FAM78A: variants seen among roughly 807,000 people sequenced by gnomAD.
FAM78A encodes the protein family with sequence similarity 78 member A, also known as protein FAM78A.
FAM78A carries 12 observed loss-of-function variants against 22.6 expected under a neutral mutation model. That is an observed-to-expected ratio of 0.53 (90% CI 0.34 to 0.86). The LOEUF (loss-of-function observed/expected upper bound fraction) is 0.86. Ranked by LOEUF, FAM78A falls within the 40% of genes least tolerant of loss-of-function variation. The probability of loss-of-function intolerance (pLI) is 0.02; values close to 1 mark genes in which losing one functional copy is unlikely to be tolerated. For missense variants in FAM78A, 322 were observed against 396.1 expected, an observed-to-expected ratio of 0.81 and a Z score of 1.59; for synonymous variants, 151 against 155.8, an observed-to-expected ratio of 0.97 and a Z score of 0.23.
upstream of FAM78A, among the ~76,000 whole-genome samples, chr9:131,279,808 G>A (rs749651475): frequency 6.6e-6 from 1 of 152,180 alleles, no homozygotes; most frequent in Non-Finnish European, 1.5e-5. Context: ...CTAGGCAGTG[G>A]GCTCCACAGA....
upstream of FAM78A, among the ~76,000 whole-genome samples, chr9:131,277,143 G>A (rs1447408985): frequency 6.6e-6 from 1 of 150,942 alleles, no homozygotes; most frequent in African/African-American, 2.4e-5. This position sits in a 1 kb window ranked among gnomAD's most constrained non-coding sequence, Gnocchi z 8.4. Context: ...CCGCACGACC[G>A]CGCGCACCAG....
In FAM78A at chr9:131,265,469, G is replaced by C. The variant is rs990796728; in HGVS notation, c.324-4119C>G. On this transcript the variant is annotated intron_variant, in intron 1 of 1. Coordinates refer to ENST00000372271, the MANE Select transcript of FAM78A (RefSeq NM_033387.4). The surrounding 1 kb of genome is among the most constrained non-coding windows in gnomAD (Gnocchi z 4.3). ...TCACCGTGTTATTCAGGTTGGTCTC[G>C]AACTCCTGACCTCAGGTAACCCACC... 1.3e-5 allele frequency among the ~76,000 whole-genome samples: 2 copies of C among 151,902 alleles called. No homozygotes were observed. Among genetic ancestry groups the C allele is most frequent in the East Asian group, 3.9e-4 (2 of 5,142 alleles).
chr9:131,274,226 T>A lies in FAM78A; in HGVS notation c.323+1631A>T, dbSNP rs112179439. ...CCAACCACATTAGCATCCAGTCCCG[T>A]GAGTGCTCATGTCTTTCCAAGTTCA... On this transcript the variant is annotated intron_variant, in intron 1 of 1. Coordinates refer to ENST00000372271, the MANE Select transcript of FAM78A (RefSeq NM_033387.4). This position sits in a 1 kb window ranked among gnomAD's most constrained non-coding sequence, Gnocchi z 4.2. 0.015 allele frequency among the ~76,000 whole-genome samples: 2,352 copies of A among 152,320 alleles called. 67 individuals carry two copies. Among genetic ancestry groups the A allele is most frequent in the African/African-American group, 0.054 (2,237 of 41,572 alleles).
chr9:131,277,207 TG>T (rs1199524570), upstream of FAM78A, among the ~76,000 whole-genome samples: 1 of 150,460 alleles, frequency 6.6e-6, no homozygotes, highest in Non-Finnish European at 1.5e-5. The surrounding 1 kb of genome is among the most constrained non-coding windows in gnomAD (Gnocchi z 8.4). Context: ...ACGGGCGGGG[TG>T]GGGGGCGAGC....
chr9:131,280,583 C>A (rs559023595), upstream of FAM78A, among the ~76,000 whole-genome samples: 7 of 152,240 alleles, frequency 4.6e-5, no homozygotes, highest in South Asian at 2.1e-4. Context: ...ATCCCCCACC[C>A]GGGATGGTGA....
Position 131,261,672 on chromosome 9 carries a change from C to T in FAM78A, c.324-322G>A, listed in dbSNP as rs1434948707. 1.3e-5 allele frequency among the ~76,000 whole-genome samples: 2 copies of T among 152,168 alleles called. No individual in the cohort carries two copies. The highest frequency in any genetic ancestry group is 6.5e-5 in the Admixed American group (1 of 15,270). On this transcript the variant is annotated intron_variant, in intron 1 of 1. Transcript: ENST00000372271. This position sits in a 1 kb window ranked among gnomAD's most constrained non-coding sequence, Gnocchi z 7.1. Reference sequence around the variant, plus strand: ...GAGCCCACCCCAGACTGTAGGGGCCCCTTACTTTAACATTACAGGCTCACA... The same window carrying T: ...GAGCCCACCCCAGACTGTAGGGGCCTCTTACTTTAACATTACAGGCTCACA...
chr9:131,271,412 T>C (rs1357397738), intron 1 of FAM78A, among the ~76,000 whole-genome samples: 1 of 152,168 alleles, frequency 6.6e-6, no homozygotes, highest in Non-Finnish European at 1.5e-5. Flanking sequence ...GGCTACCATA[T>C]ATTGAGTGCC....
At position 131,274,102 on chromosome 9, in the gene FAM78A, T is replaced by C. The variant is rs1411253278; in HGVS notation, c.323+1755A>G. Among the ~76,000 whole-genome samples, 1 of 152,238 alleles carries C rather than the reference T, an allele frequency of 6.6e-6. No homozygotes were observed. Among genetic ancestry groups the C allele is most frequent in the Non-Finnish European group, 1.5e-5 (1 of 68,042 alleles). ...AGGGTCACCAGATGGAGAACAAGTCTTAGACAAGACATCGGAAGCCCATGT... is the reference window on the plus strand; with the variant it reads ...AGGGTCACCAGATGGAGAACAAGTCCTAGACAAGACATCGGAAGCCCATGT... On this transcript the variant is annotated intron_variant, in intron 1 of 1. Coordinates refer to ENST00000372271, the MANE Select transcript of FAM78A (RefSeq NM_033387.4). The surrounding 1 kb of genome is among the most constrained non-coding windows in gnomAD (Gnocchi z 4.2).
rs1411011535 is a variant in FAM78A, at chr9:131,275,635, AG to A, written c.323+221del. On this transcript the variant is annotated intron_variant, in intron 1 of 1. Coordinates refer to ENST00000372271, the MANE Select transcript of FAM78A (RefSeq NM_033387.4). The surrounding 1 kb of genome is among the most constrained non-coding windows in gnomAD (Gnocchi z 4.6). ...ACAGGAACCCGGGGGGAACAGTGGCAGGGTAGATTGCAGGACCGTGACTCCA... is the reference window on the plus strand; with the variant it reads ...ACAGGAACCCGGGGGGAACAGTGGCAGGTAGATTGCAGGACCGTGACTCCA... Among the ~76,000 whole-genome samples, 1 of 152,252 alleles carries A rather than the reference AG, an allele frequency of 6.6e-6. No individual in the cohort carries two copies. Among genetic ancestry groups the A allele is most frequent in the Non-Finnish European group, 1.5e-5 (1 of 68,044 alleles).
At position 131,259,301 on chromosome 9, in the gene FAM78A, C is replaced by A. The variant is rs1283938943; in HGVS notation, c.*1521G>T. 1 of 152,434 alleles carries A rather than the reference C, an allele frequency of 6.6e-6. No individual in the cohort carries two copies. The highest frequency in any genetic ancestry group is 1.5e-5 in the Non-Finnish European group (1 of 68,088). 9.4% of individuals were successfully genotyped at this position (152,434 alleles called of 1,614,324 possible). On this transcript the variant is annotated 3_prime_UTR_variant, in exon 2 of 2. Transcript: ENST00000372271. ...GCACAATGGGTCAGGACTAAGTAAG[C>A]CCTGGAGCTCCAGTGACCTGGGACC...
rs1397352586 is a variant in FAM78A at position 131,260,013 on chromosome 9, G to GCT, written c.*807_*808dup. The GCT allele has an allele frequency of 6.5e-6, 1 of 152,760 alleles. No individual in the cohort carries two copies. Among genetic ancestry groups the GCT allele is most frequent in the Non-Finnish European group, 1.5e-5 (1 of 68,168 alleles). The allele number at this position is 152,760 out of a possible 1,614,324, so 9.5% of individuals were successfully genotyped here. ...ACTGGTGGAGCCACCCCCCGCCAGA[G>GCT]CTCACAGCCCCTCTCCGCAGGTGCA... On this transcript the variant is annotated 3_prime_UTR_variant, in exon 2 of 2. Transcript: ENST00000372271. This position sits in a 1 kb window ranked among gnomAD's most constrained non-coding sequence, Gnocchi z 5.4.
chr9:131,275,040 T>A lies in FAM78A; in HGVS notation c.323+817A>T, dbSNP rs1374729376. On this transcript the variant is annotated intron_variant, in intron 1 of 1. Transcript: ENST00000372271. The surrounding 1 kb of genome is among the most constrained non-coding windows in gnomAD (Gnocchi z 4.6). ...TCCCAACTCTGCCTAAATGCAGCTC[T>A]TTTCACCCTGGGGACGGCCTTCTCT... 6.6e-6 allele frequency among the ~76,000 whole-genome samples: 1 copy of A among 152,174 alleles called. No homozygotes were observed. The highest frequency in any genetic ancestry group is 1.5e-5 in the Non-Finnish European group (1 of 68,022).
chr9:131,262,288 C>A (rs1214172200), intron 1 of FAM78A, among the ~76,000 whole-genome samples: 2 of 143,552 alleles, frequency 1.4e-5, no homozygotes, highest in East Asian at 2.0e-4. Flanking sequence ...CCAGCCTGGG[C>A]GACAGAGTGA....
rs1386233196 is a variant in FAM78A at position 131,258,079 on chromosome 9, A to G, written c.*2743T>C. The G allele has an allele frequency of 6.6e-6, 1 of 152,224 alleles. No individual in the cohort carries two copies. The highest frequency in any genetic ancestry group is 2.1e-4 in the South Asian group (1 of 4,836). 9.4% of individuals were successfully genotyped at this position (152,224 alleles called of 1,614,324 possible). On this transcript the variant is annotated 3_prime_UTR_variant, in exon 2 of 2. Transcript: ENST00000372271. ...AAACATCCAGGACCTAGCCAAGCCT[A>G]CTTTAAAATTACATTTTATTTCTCT...
chr9:131,277,105 C>T (rs1237777453), upstream of FAM78A, among the ~76,000 whole-genome samples: 1 of 150,892 alleles, frequency 6.6e-6, no homozygotes, highest in Non-Finnish European at 1.5e-5. This position sits in a 1 kb window ranked among gnomAD's most constrained non-coding sequence, Gnocchi z 8.4. Flanking sequence ...GTGGCCCCCG[C>T]CCCCCGCGCC....
chr9:131,264,633 AGGGT>A (rs1222113179), intron 1 of FAM78A: 1 of 717,132 alleles, frequency 1.4e-6, no homozygotes, highest in Non-Finnish European at 2.6e-6. Flanking sequence ...AGACCCTTTG[AGGGT>A]GGCATCAGCA....
Position 131,260,667 on chromosome 9 carries a change from C to G in FAM78A, c.*155G>C. 1 of 850,452 alleles carries G rather than the reference C, an allele frequency of 1.2e-6. No individual in the cohort carries two copies. The highest frequency in any genetic ancestry group is 2.3e-5 in the South Asian group (1 of 44,236). 52.7% of individuals were successfully genotyped at this position (850,452 alleles called of 1,614,324 possible). A position where few individuals can be genotyped will look rare whatever the true frequency, so the allele number is the denominator to read the frequency against. On this transcript the variant is annotated 3_prime_UTR_variant, in exon 2 of 2. Transcript: ENST00000372271. The surrounding 1 kb of genome is among the most constrained non-coding windows in gnomAD (Gnocchi z 5.4). ...CTGAAAGGAAGCAGGTGCCGAGAGCCGGGGAGGCCTTCCCGGGGGCATCAG... is the reference window on the plus strand; with the variant it reads ...CTGAAAGGAAGCAGGTGCCGAGAGCGGGGGAGGCCTTCCCGGGGGCATCAG...
chr9:131,263,239 CAAA>C (rs35417885), intron 1 of FAM78A, among the ~76,000 whole-genome samples: 2 of 106,024 alleles, frequency 1.9e-5, no homozygotes. Context: ...GACTCCATCT[CAAA>C]AAAAAAAAAA....
At chr9:131,277,733 G>A (rs1835503283), upstream of FAM78A, among the ~76,000 whole-genome samples, 1 of 151,156 alleles carries the variant, frequency 6.6e-6, no homozygotes, top group Non-Finnish European at 1.5e-5. The surrounding 1 kb of genome is among the most constrained non-coding windows in gnomAD (Gnocchi z 8.4). Flanking sequence ...GCTTCGGGGG[G>A]GCGGCCGGGG....
Sources: allele counts gnomAD v4.1 joint callset (sites outside exome capture counted in the v4.1 genomes callset), GRCh38; gene constraint gnomAD v4.1.1; non-coding constraint Gnocchi (gnomAD v3.1); transcripts MANE v1.5; gene names NCBI Gene and HGNC (gene_info 2026-07-23, HGNC 2026-07-21).